ASIC2: variants seen among roughly 807,000 people sequenced by gnomAD.
ASIC2 encodes the protein acid sensing ion channel subunit 2, also known as acid-sensing ion channel 2.
ASIC2 carries 25 observed loss-of-function variants against 57.3 expected under a neutral mutation model. The ratio of observed to expected loss-of-function variants is 0.44; its 90% confidence interval spans 0.32 to 0.61. The LOEUF is 0.61. ASIC2 is among the 20% of genes least tolerant of loss of function. ASIC2 has a pLI of 0.06. For missense variants in ASIC2, 641 were observed against 738.1 expected (o/e 0.87, Z 1.52); for synonymous variants, 319 against 307.5 (o/e 1.04, Z -0.39).
At chr17:33,421,399 G>A (rs1911038036) in intron 1 of ASIC2, among the ~76,000 whole-genome samples, 1 of 152,252 alleles carries the variant, frequency 6.6e-6, no homozygotes, top group Non-Finnish European at 1.5e-5. Context: ...GGGGAAGTCA[G>A]TTCTCCTCTG....
chr17:34,094,328 T>C (rs917904680), intron 1 of ASIC2, among the ~76,000 whole-genome samples: 11 of 152,180 alleles, frequency 7.2e-5, no homozygotes, highest in African/African-American at 2.7e-4. Context: ...CTACAGCCCA[T>C]GACTACATGC....
chr17:33,328,788 T>A (rs1907184823), intron 1 of ASIC2, among the ~76,000 whole-genome samples: 1 of 152,218 alleles, frequency 6.6e-6, no homozygotes, highest in African/African-American at 2.4e-5. Flanking sequence ...TTGTTGTTTA[T>A]GAAGTTTTTA....
intron 1 of ASIC2, among the ~76,000 whole-genome samples, chr17:33,334,697 C>T (rs1462256763): frequency 6.6e-6 from 1 of 152,210 alleles, no homozygotes; most frequent in African/African-American, 2.4e-5. Context: ...GCAACTGCTC[C>T]TCCTTCCAAG....
chr17:34,079,452 G>C (rs1909798096), intron 1 of ASIC2, among the ~76,000 whole-genome samples: 1 of 152,146 alleles, frequency 6.6e-6, no homozygotes, highest in Admixed American at 6.5e-5. Context: ...TCCTTTCAGG[G>C]AAGGCTTCTC....
rs549778439 is a variant in ASIC2, at chr17:33,153,823, G to A, written c.709-41756C>T. On this transcript the variant is annotated intron_variant, in intron 1 of 9. Coordinates refer to ENST00000225823, the MANE Select transcript of ASIC2 (RefSeq NM_183377.2). Reference sequence around the variant, plus strand: ...CTTGTTCCTTCCAGAGACAGCCCACGTCCACTCTTGATCCATGTGAATTTG... The same window carrying A: ...CTTGTTCCTTCCAGAGACAGCCCACATCCACTCTTGATCCATGTGAATTTG... Among the ~76,000 whole-genome samples, 71 of 152,276 alleles carry A rather than the reference G, an allele frequency of 4.7e-4. 1 individual carries two copies. Among genetic ancestry groups the A allele is most frequent in the African/African-American group, 1.3e-3 (56 of 41,564 alleles).
At chr17:33,624,961 G>C (rs926967977) in intron 1 of ASIC2, among the ~76,000 whole-genome samples, 2 of 152,196 alleles carry the variant, frequency 1.3e-5, no homozygotes, top group African/African-American at 4.8e-5. Flanking sequence ...TTGTGAAAAG[G>C]CACGATAGCC....
chr17:33,451,963 T>C (rs751115162), intron 1 of ASIC2, among the ~76,000 whole-genome samples: 5 of 152,208 alleles, frequency 3.3e-5, no homozygotes, highest in Non-Finnish European at 7.3e-5. Flanking sequence ...TCAGAACCTA[T>C]TCTCAGTTAG....
intron 1 of ASIC2, among the ~76,000 whole-genome samples, chr17:34,126,977 C>T (rs902856576): frequency 6.6e-6 from 1 of 152,124 alleles, no homozygotes; most frequent in African/African-American, 2.4e-5. Flanking sequence ...CACCCTCCAA[C>T]TCAGGACAGA....
chr17:34,083,375 G>A (rs1322839474), intron 1 of ASIC2, among the ~76,000 whole-genome samples: 1 of 151,842 alleles, frequency 6.6e-6, no homozygotes, highest in Non-Finnish European at 1.5e-5. Flanking sequence ...TGGCTGCATA[G>A]TAGTCCATGG....
intron 1 of ASIC2, among the ~76,000 whole-genome samples, chr17:33,115,576 C>A (rs899949131): frequency 6.6e-6 from 1 of 152,334 alleles, no homozygotes; most frequent in Admixed American, 6.5e-5. Context: ...CTAGAATGTT[C>A]TGGCGCGCTT....
chr17:33,697,386 T>A (rs7220706), intron 1 of ASIC2, among the ~76,000 whole-genome samples: 2 of 151,934 alleles, frequency 1.3e-5, no homozygotes, highest in African/African-American at 4.8e-5. Context: ...TGTCTCAGGG[T>A]TGACAGAGGC....
At position 33,868,514 on chromosome 17, in the gene ASIC2, T is replaced by C. The variant is rs555859440; in HGVS notation, c.555+287464A>G. On this transcript the variant is annotated intron_variant, in intron 1 of 9. Coordinates refer to the ASIC2 transcript ENST00000359872. Reference sequence around the variant, plus strand: ...AATATAAAACTATTAGAAAAAAATATAGGCATAAATCTCTGAGCCCTTGGG... The same window carrying C: ...AATATAAAACTATTAGAAAAAAATACAGGCATAAATCTCTGAGCCCTTGGG... 6.9e-3 allele frequency among the ~76,000 whole-genome samples: 1,055 copies of C among 151,842 alleles called. 14 individuals carry two copies. The highest frequency in any genetic ancestry group is 0.011 in the Non-Finnish European group (722 of 67,982).
intron 1 of ASIC2, among the ~76,000 whole-genome samples, chr17:34,133,444 C>T (rs916965158): frequency 6.6e-6 from 1 of 152,220 alleles, no homozygotes; most frequent in Non-Finnish European, 1.5e-5. Flanking sequence ...CAGGCTGTCT[C>T]TGTTGAGCTG....
Position 33,114,954 on chromosome 17 carries a change from TGA to T in ASIC2, c.709-2889_709-2888del, listed in dbSNP as rs537519539. ...CTCTGAACTTCAATTGATCATTGACTGAGTGTCTGCTTTGAGCAGATACAGTG... is the reference window on the plus strand; with the variant it reads ...CTCTGAACTTCAATTGATCATTGACTGTGTCTGCTTTGAGCAGATACAGTG... On this transcript the variant is annotated intron_variant, in intron 1 of 9. Coordinates refer to ENST00000225823, the MANE Select transcript of ASIC2 (RefSeq NM_183377.2). Among the ~76,000 whole-genome samples the T allele has an allele frequency of 1.6e-3, 250 of 152,332 alleles. 1 individual carries two copies. Among genetic ancestry groups the T allele is most frequent in the African/African-American group, 5.7e-3 (238 of 41,580 alleles).
At chr17:33,871,423 A>G (rs189208831) in intron 1 of ASIC2, among the ~76,000 whole-genome samples, 5 of 152,214 alleles carry the variant, frequency 3.3e-5, no homozygotes, top group East Asian at 1.9e-4. Context: ...CACAGTGTCA[A>G]CCCCACCTCC....
intron 3 of ASIC2, among the ~76,000 whole-genome samples, chr17:33,060,467 G>A (rs1428666592): frequency 1.3e-5 from 2 of 152,040 alleles, no homozygotes; most frequent in Admixed American, 6.6e-5. Flanking sequence ...AGATGAAATA[G>A]TGTAGATGTG....
intron 1 of ASIC2, among the ~76,000 whole-genome samples, chr17:33,914,264 G>A (rs117422690): frequency 6.6e-6 from 1 of 152,310 alleles, no homozygotes; most frequent in Non-Finnish European, 1.5e-5. Context: ...CCAGGCTCCT[G>A]TCTTTCATTA....
chr17:33,191,287 C>T (rs769357577), intron 1 of ASIC2, among the ~76,000 whole-genome samples: 1 of 152,152 alleles, frequency 6.6e-6, no homozygotes, highest in Non-Finnish European at 1.5e-5. Context: ...AGCTAATCTA[C>T]ACTGACAGAG....
intron 1 of ASIC2, among the ~76,000 whole-genome samples, chr17:33,492,589 C>G (rs1351500420): frequency 6.6e-6 from 1 of 152,210 alleles, no homozygotes; most frequent in African/African-American, 2.4e-5. Context: ...AGTGAACATA[C>G]CTTTCCTTCC....
Sources: allele counts gnomAD v4.1 joint callset (sites outside exome capture counted in the v4.1 genomes callset), GRCh38; gene constraint gnomAD v4.1.1; transcripts MANE v1.5; gene names NCBI Gene and HGNC (gene_info 2026-07-23, HGNC 2026-07-21).